KIAA1586: variants seen among roughly 807,000 people sequenced by gnomAD.
The protein encoded by KIAA1586 is KIAA1586, also known as E3 SUMO-protein ligase KIAA1586.
KIAA1586 carries 5 observed loss-of-function variants against 6.1 expected under a neutral mutation model. That is an observed-to-expected ratio of 0.82 (90% confidence interval 0.43 to 1.73). KIAA1586 has a LOEUF of 1.73. KIAA1586 is among the 40% of genes most tolerant of loss of function. The pLI is 0.02. For synonymous variants in KIAA1586, 280 were observed against 301.7 expected, an observed-to-expected ratio of 0.93 and a Z score of 0.75; for missense variants, 899 against 878.2, an observed-to-expected ratio of 1.02 and a Z score of -0.30.
chr6:57,052,515 G>A (rs1213180085), intron 3 of KIAA1586, among the ~76,000 whole-genome samples, 171 bp from the exon 4 acceptor site: 1 of 152,002 alleles, frequency 6.6e-6, no homozygotes, highest in South Asian at 2.1e-4. Flanking sequence ...CTAATAGTGG[G>A]TTTTTCAAGA....
Position 57,052,941 on chromosome 6 carries a change from C to CA in KIAA1586, c.444dup (p.Tyr149IlefsTer5), listed in dbSNP as rs1828372410. The CA allele has an allele frequency of 2.5e-6, 4 of 1,613,498 alleles. No individual in the cohort carries two copies. The highest frequency in any genetic ancestry group is 1.3e-5 in the African/African-American group (1 of 74,884). ...AAAACAAGCATTTATGTTTACAGAA[C>CA]AATACAAATGGCTTGAAATAAAAGA... On this transcript the variant is annotated frameshift_variant, in exon 4 of 4. Coordinates refer to ENST00000370733, the MANE Select transcript of KIAA1586 (RefSeq NM_020931.4). LOFTEE classifies it low-confidence loss of function (END_TRUNC).
At chr6:57,066,345 T>C in the KIAA1586 span, among the ~76,000 whole-genome samples, 7 of 152,198 alleles carry the variant, frequency 4.6e-5, no homozygotes, top group African/African-American at 1.7e-4. Flanking sequence ...CTTTTTCATT[T>C]AATACTATGC....
At chr6:57,055,462 A>G, downstream of KIAA1586, among the ~76,000 whole-genome samples, 1 of 151,932 alleles carries the variant, frequency 6.6e-6, no homozygotes, top group South Asian at 2.1e-4. Context: ...GTGCCTGTCA[A>G]ACTTGTGTGT....
At chr6:57,062,200 G>C in the KIAA1586 span, among the ~76,000 whole-genome samples, 1 of 152,104 alleles carries the variant, frequency 6.6e-6, no homozygotes, top group African/African-American at 2.4e-5. Flanking sequence ...AAAAGTTCCA[G>C]GATAACAGGC....
rs1480692087 is a variant in KIAA1586 at position 57,054,250 on chromosome 6, C to T, written c.1751C>T (p.Ser584Leu). The T allele has an allele frequency of 1.3e-6, 2 of 1,592,842 alleles. No homozygotes were observed. Among genetic ancestry groups the T allele is most frequent in the Non-Finnish European group, 1.7e-6 (2 of 1,171,856 alleles). ...TCTCAAATTGAAGATTTGATCAAGT[C>T]AGATAAGTTTAAAGATATTCCATTT... ...YESQIEDLIK[S>L]DKFKDIPFNK... is the part of the protein sequence containing the mutation. Residue 584 changes from serine (S) to leucine (L), a missense_variant, in exon 4 of 4, where the codon TCA becomes TTA. Physicochemically the swap from Ser to Leu is moderately radical, Grantham distance 145. Transcript: ENST00000370733.
Position 57,053,520 on chromosome 6 carries a change from G to A in KIAA1586, c.1021G>A (p.Ala341Thr), listed in dbSNP as rs751215824. 6.2e-7 allele frequency: 1 copy of A among 1,613,550 alleles called. No homozygotes were observed. The highest frequency in any genetic ancestry group is 1.1e-5 in the South Asian group (1 of 91,064). The change falls in exon 4 of 4, where the codon GCT (alanine) becomes ACT (threonine). Residue 341 changes from alanine to threonine, a missense_variant. By Grantham distance (58) the Ala-to-Thr change is moderately conservative. Transcript: ENST00000370733. ...VIYLQCTIQS[A>T]PAPVMLFVAL... ...TTATCTCCAGTGCACAATTCAGTCA[G>A]CTCCTGCACCTGTTATGTTATTTGT...
chr6:57,060,205 G>A (rs1160547426), downstream of KIAA1586, among the ~76,000 whole-genome samples: 1 of 152,134 alleles, frequency 6.6e-6, no homozygotes, highest in Non-Finnish European at 1.5e-5. Flanking sequence ...TAGTGTCATT[G>A]TTGTGTTATC....
In KIAA1586 at chr6:57,052,678, T is replaced by C. The variant is rs1699869280; in HGVS notation, c.187-8T>C. 6.5e-7 allele frequency: 1 copy of C among 1,533,666 alleles called. No individual in the cohort carries two copies. The highest frequency in any genetic ancestry group is 1.4e-5 in the African/African-American group (1 of 71,940). ...AATTTTACTTACATATGTAAAATTA[T>C]TTTTCAGATTCTGTTTCCTAAAATG... is the stretch of plus-strand genomic sequence containing the variant. On this transcript the variant is annotated splice_region_variant and splice_polypyrimidine_tract_variant and intron_variant, in intron 3 of 3. Transcript: ENST00000370733.
downstream of KIAA1586, among the ~76,000 whole-genome samples, chr6:57,056,138 TC>T (rs1287485025): frequency 6.6e-6 from 1 of 151,966 alleles, no homozygotes; most frequent in Admixed American, 6.6e-5. Context: ...AACCTCCACT[TC>T]CTGGGTTCAA....
chr6:57,051,441 A>G (rs1366399088), intron 3 of KIAA1586, among the ~76,000 whole-genome samples: 1 of 151,708 alleles, frequency 6.6e-6, no homozygotes, highest in Non-Finnish European at 1.5e-5. Context: ...ATTAATACAT[A>G]ATAGTGTCCT....
the KIAA1586 span, among the ~76,000 whole-genome samples, chr6:57,063,465 T>TC: frequency 2.1e-5 from 3 of 144,582 alleles, no homozygotes; most frequent in African/African-American, 7.7e-5. Context: ...TTTTTTTTTT[T>TC]TTTTTTGAGA....
chr6:57,050,575 C>T (rs972199801), intron 2 of KIAA1586, among the ~76,000 whole-genome samples, 199 bp from the exon 3 acceptor site: 6 of 152,012 alleles, frequency 3.9e-5, no homozygotes, highest in African/African-American at 7.3e-5. Flanking sequence ...CTTGGCCTCC[C>T]AGTGTGCTAG....
intron 3 of KIAA1586, among the ~76,000 whole-genome samples, chr6:57,051,845 G>T (rs771046355): frequency 1.3e-5 from 2 of 152,084 alleles, no homozygotes; most frequent in African/African-American, 4.8e-5. Flanking sequence ...GTCGTGGCAC[G>T]TGCCTGTAAT....
rs1260627994 is a variant in KIAA1586 at position 57,054,111 on chromosome 6, G to A, written c.1612G>A (p.Val538Ile). The change falls in exon 4 of 4, where the codon GTA (valine) becomes ATA (isoleucine). Residue 538 changes from valine (V) to isoleucine (I), a missense_variant. Val to Ile is a conservative substitution (Grantham distance 29). Transcript: ENST00000370733. ...GATTGACATTCTTGAAGAATTTTCA[G>A]TACTTTCAACTGCATTACAGTCAAG... ...LMIDILEEFS[V>I]LSTALQSRST... 1 of 1,608,154 alleles carries A rather than the reference G, an allele frequency of 6.2e-7. No individual in the cohort carries two copies. Among genetic ancestry groups the A allele is most frequent in the Admixed American group, 1.7e-5 (1 of 58,688 alleles).
chr6:57,059,588 GAAA>G (rs36057059), downstream of KIAA1586, among the ~76,000 whole-genome samples: 1 of 141,686 alleles, frequency 7.1e-6, no homozygotes, highest in African/African-American at 2.6e-5. Flanking sequence ...GACTCTGTCT[GAAA>G]AAAAAAAAAA....
downstream of KIAA1586, among the ~76,000 whole-genome samples, chr6:57,056,496 A>G (rs909442913): frequency 4.0e-5 from 6 of 151,478 alleles, no homozygotes; most frequent in Non-Finnish European, 8.8e-5. Context: ...GGAGTGAGCC[A>G]CCATGCTCAG....
At chr6:57,056,610 C>A (rs1002016671), downstream of KIAA1586, among the ~76,000 whole-genome samples, 2 of 150,698 alleles carry the variant, frequency 1.3e-5, no homozygotes, top group Non-Finnish European at 2.9e-5. Context: ...TGCAGTGGCT[C>A]ACTGCAGCCT....
chr6:57,053,509 C>T lies in KIAA1586; in HGVS notation c.1010C>T (p.Thr337Ile). 2 of 1,613,582 alleles carry T rather than the reference C, an allele frequency of 1.2e-6. No individual in the cohort carries two copies. Among genetic ancestry groups the T allele is most frequent in the Admixed American group, 1.7e-5 (1 of 60,022 alleles). Residue 337 changes from threonine to isoleucine, a missense_variant, in exon 4 of 4, where the codon ACA becomes ATA. Physicochemically the swap from Thr to Ile is moderately conservative, Grantham distance 89. Transcript: ENST00000370733. ...ACCCTAGTGATTTATCTCCAGTGCA[C>T]AATTCAGTCAGCTCCTGCACCTGTT... ...KTTLVIYLQC[T>I]IQSAPAPVML...
At position 57,054,026 on chromosome 6, in the gene KIAA1586, T is replaced by G. The variant is rs777834468; in HGVS notation, c.1527T>G (p.Ser509=). The change falls in exon 4 of 4, where the codon TCT becomes TCG. Residue 509 remains serine, a synonymous_variant. Coordinates refer to ENST00000370733, the MANE Select transcript of KIAA1586 (RefSeq NM_020931.4). ...TATTATATATGCATTTTTCTCATTC[T>G]TACTCTGGTTTGGCGAAGAGATTAG... The part of the protein sequence containing the change: ...YPILYMHFSH[S]YSGLAKRLAN... 1.2e-5 allele frequency: 19 copies of G among 1,610,584 alleles called. No homozygotes were observed. The highest frequency in any genetic ancestry group is 8.0e-5 in the African/African-American group (6 of 74,762).
Sources: gnomAD v4.1 joint callset for allele counts (sites outside exome capture counted in the v4.1 genomes callset) on GRCh38, gnomAD v4.1.1 for gene constraint, MANE v1.5 for transcripts, NCBI Gene and HGNC (gene_info 2026-07-23, HGNC 2026-07-21) for gene names.